DNAH11: variants seen among roughly 807,000 people sequenced by gnomAD.
DNAH11 encodes axonemal beta dynein heavy chain 11.
A neutral mutation model predicts 526.0 loss-of-function variants in DNAH11; 442 were observed. The ratio of observed to expected loss-of-function variants is 0.84; its 90% CI spans 0.78 to 0.91. The LOEUF (loss-of-function observed/expected upper bound fraction) is 0.91, where lower values mean the gene tolerates loss of function less well. Ranked by LOEUF, DNAH11 falls within the 40% of genes least tolerant of loss-of-function variation. The pLI, the probability that DNAH11 is intolerant of heterozygous loss-of-function variation, is 0.00. For missense variants in DNAH11, 6,989 were observed against 5,448.7 expected, an observed-to-expected ratio of 1.28 and a Z score of -8.90; for synonymous variants, 2,461 against 1,935.9, an observed-to-expected ratio of 1.27 and a Z score of -7.12.
At chr7:21,740,530 C>T (rs1457153137) in intron 48 of DNAH11, among the ~76,000 whole-genome samples, 1 of 152,146 alleles carries the variant, frequency 6.6e-6, no homozygotes, top group Non-Finnish European at 1.5e-5. Context: ...TAGGGTTCAT[C>T]CAGTTACGGC....
At position 21,892,629 on chromosome 7, in the gene DNAH11, C is replaced by T. The variant is rs761368563; in HGVS notation, c.12712C>T (p.Leu4238Phe). 3 of 1,612,286 alleles carry T rather than the reference C, an allele frequency of 1.9e-6. No individual in the cohort carries two copies. The Admixed American group carries it at 5.0e-5, about 27-fold the overall frequency. Residue 4238 changes from leucine to phenylalanine, a missense_variant, in exon 77 of 82, where the codon CTC (leucine) becomes TTC (phenylalanine). Leu to Phe is a conservative substitution (Grantham distance 22). Coordinates refer to ENST00000409508, the MANE Select transcript of DNAH11 (RefSeq NM_001277115.2). ...GCTGGAGATGCAGCCCAGGAATGCA[C>T]TCAGTGGTGATGAACTGGGGCAGTC... ...TLLEMQPRNA[L>F]SGDELGQSTE...
chr7:21,749,676 A>T lies in DNAH11; in HGVS notation c.8674-2A>T. On this transcript the variant is annotated splice_acceptor_variant, in intron 52 of 81. Transcript: ENST00000409508. LOFTEE classifies it high-confidence loss of function. ...AACATGAGTGATGGCCTTTCCTTAC[A>T]GGTAGATCTTGCCAATTTGTACATC... is the stretch of plus-strand genomic sequence containing the variant. 1 of 1,613,822 alleles carries T rather than the reference A, an allele frequency of 6.2e-7. No homozygotes were observed. Among genetic ancestry groups the T allele is most frequent in the Non-Finnish European group, 8.5e-7 (1 of 1,179,806 alleles).
chr7:21,578,087 G>A (rs1452487714), intron 8 of DNAH11, among the ~76,000 whole-genome samples: 5 of 152,150 alleles, frequency 3.3e-5, no homozygotes, highest in African/African-American at 7.2e-5. Context: ...TCTTCACATA[G>A]TGTTCAGAGA....
chr7:21,629,956 A>G (rs928946726), intron 25 of DNAH11, among the ~76,000 whole-genome samples: 2 of 151,836 alleles, frequency 1.3e-5, no homozygotes, highest in African/African-American at 4.8e-5. Flanking sequence ...CCATTTTGTT[A>G]CTTATCTTCT....
chr7:21,738,502 C>A (rs1172996574), intron 46 of DNAH11, among the ~76,000 whole-genome samples, 199 bp from the exon 47 acceptor site: 1 of 152,092 alleles, frequency 6.6e-6, no homozygotes, highest in Non-Finnish European at 1.5e-5. Context: ...CTTCTGGCAA[C>A]AGGAGGGAGA....
intron 57 of DNAH11, among the ~76,000 whole-genome samples, chr7:21,783,136 G>C (rs1278415108): frequency 6.6e-6 from 1 of 152,104 alleles, no homozygotes; most frequent in East Asian, 1.9e-4. Flanking sequence ...ATCTGTAGCA[G>C]TGTTCTGTAG....
chr7:21,755,459 C>T (rs1050033799), intron 54 of DNAH11, among the ~76,000 whole-genome samples: 3 of 152,058 alleles, frequency 2.0e-5, no homozygotes, highest in African/African-American at 7.2e-5. Context: ...GTAGCAGCCC[C>T]TGATTCCATC....
chr7:21,743,745 A>G (rs113388999), intron 49 of DNAH11, among the ~76,000 whole-genome samples: 202 of 152,330 alleles, frequency 1.3e-3, no homozygotes, highest in African/African-American at 4.5e-3. Context: ...AAGAGAGGTC[A>G]TAGGTGAAAT....
intron 2 of DNAH11, among the ~76,000 whole-genome samples, chr7:21,546,732 A>G (rs547050135): frequency 6.6e-6 from 1 of 152,352 alleles, no homozygotes; most frequent in Admixed American, 6.5e-5. Flanking sequence ...TTCAAAAGAA[A>G]CAATAATTGT....
At position 21,591,665 on chromosome 7, in the gene DNAH11, C is replaced by G. The variant is rs553961989; in HGVS notation, c.2667+88C>G. The G allele has an allele frequency of 3.8e-6, 5 of 1,311,554 alleles. No individual in the cohort carries two copies. The Admixed American group carries it at 1.2e-4, about 33-fold the overall frequency. 81.2% of individuals were successfully genotyped at this position (1,311,554 alleles called of 1,614,324 possible). ...ATCTTTAACCTAATAATGTGGGACT[C>G]TTTTATCAAGCCTGAAAGAGCTTTA... On this transcript the variant is annotated intron_variant, in intron 14 of 81. Transcript: ENST00000409508.
chr7:21,804,031 G>C (rs1464192854), intron 62 of DNAH11, among the ~76,000 whole-genome samples: 1 of 152,204 alleles, frequency 6.6e-6, no homozygotes, highest in Non-Finnish European at 1.5e-5. Context: ...GAAACGAGGG[G>C]GTACGTGTTT....
chr7:21,655,641 G>A (rs1335391817), intron 28 of DNAH11, among the ~76,000 whole-genome samples, 191 bp from the exon 29 acceptor site: 1 of 152,082 alleles, frequency 6.6e-6, no homozygotes, highest in East Asian at 1.9e-4. Flanking sequence ...TGACCAGAGT[G>A]ACTGGCCACT....
chr7:21,653,496 G>A (rs1306963113), intron 28 of DNAH11, among the ~76,000 whole-genome samples: 1 of 152,202 alleles, frequency 6.6e-6, no homozygotes, highest in Non-Finnish European at 1.5e-5. Flanking sequence ...AAGCCGTAAT[G>A]TGTGAGGGTG....
chr7:21,700,874 C>G (rs1363846823), intron 36 of DNAH11, among the ~76,000 whole-genome samples: 1 of 152,094 alleles, frequency 6.6e-6, no homozygotes. Flanking sequence ...AAACCAAACA[C>G]CACATATTCT....
chr7:21,578,937 C>G (rs930411076), intron 8 of DNAH11, among the ~76,000 whole-genome samples: 1 of 152,230 alleles, frequency 6.6e-6, no homozygotes, highest in African/African-American at 2.4e-5. Context: ...TAATGGGCTA[C>G]TTAGTGAGAA....
chr7:21,754,726 T>A (rs749760328), intron 54 of DNAH11, among the ~76,000 whole-genome samples: 1 of 152,154 alleles, frequency 6.6e-6, no homozygotes, highest in Admixed American at 6.5e-5. Flanking sequence ...CCACTTCTGA[T>A]CCCCTTTGGC....
intron 2 of DNAH11, among the ~76,000 whole-genome samples, chr7:21,551,259 C>T (rs1196402199): frequency 2.0e-5 from 3 of 152,198 alleles, no homozygotes; most frequent in Non-Finnish European, 4.4e-5. Context: ...TCAGGCTTGT[C>T]TTCTAATTTC....
intron 30 of DNAH11, among the ~76,000 whole-genome samples, chr7:21,678,507 T>C (rs1023600365): frequency 3.3e-5 from 5 of 152,164 alleles, no homozygotes; most frequent in African/African-American, 9.7e-5. Flanking sequence ...GCTTTGTTTT[T>C]CTTGCTTAAG....
At chr7:21,789,912 C>T (rs1189606929) in intron 61 of DNAH11, among the ~76,000 whole-genome samples, 2 of 143,594 alleles carry the variant, frequency 1.4e-5, no homozygotes, top group African/African-American at 2.7e-5. Context: ...CCCTCCCTCC[C>T]TCCCTTCCTT....
Sources: gnomAD v4.1 joint callset for allele counts (sites outside exome capture counted in the v4.1 genomes callset) on GRCh38, gnomAD v4.1.1 for gene constraint, MANE v1.5 for transcripts, NCBI Gene and HGNC (gene_info 2026-07-23, HGNC 2026-07-21) for gene names.